ROBO2: variants seen among roughly 807,000 people sequenced by gnomAD.
ROBO2 encodes roundabout homolog 2.
A neutral mutation model predicts 160.8 loss-of-function variants in ROBO2; 53 were observed. The ratio of observed to expected loss-of-function variants is 0.33; its 90% confidence interval spans 0.26 to 0.41. ROBO2 has a LOEUF of 0.41. Ranked by LOEUF, ROBO2 falls within the 10% of genes least tolerant of loss-of-function variation. The pLI is 1.00. For missense variants in ROBO2, 1,577 were observed against 1,722.4 expected (o/e 0.92, Z 1.49); for synonymous variants, 664 against 611.7 (o/e 1.09, Z -1.26).
intron 2 of ROBO2, among the ~76,000 whole-genome samples, chr3:76,225,439 G>C (rs934054465): frequency 1.3e-5 from 2 of 152,152 alleles, no homozygotes; most frequent in African/African-American, 4.8e-5. Context: ...TTCAGGCCAG[G>C]TGTGGTGGTT....
chr3:76,817,283 T>C (rs921399059), intron 2 of ROBO2, among the ~76,000 whole-genome samples: 3 of 152,116 alleles, frequency 2.0e-5, no homozygotes, highest in Non-Finnish European at 4.4e-5. Flanking sequence ...AAACAAAGAA[T>C]GGGATGCTAT....
chr3:76,137,349 C>T (rs548724309), intron 2 of ROBO2, among the ~76,000 whole-genome samples: 77 of 151,960 alleles, frequency 5.1e-4, no homozygotes, highest in Non-Finnish European at 9.3e-4. Flanking sequence ...TTGCCGAAAA[C>T]GTCCAATCCT....
chr3:76,352,581 A>C (rs952865468), intron 2 of ROBO2, among the ~76,000 whole-genome samples: 13 of 152,134 alleles, frequency 8.5e-5, no homozygotes, highest in African/African-American at 3.1e-4. Context: ...TCTTTAGTAT[A>C]GTATTTGTGA....
intron 2 of ROBO2, among the ~76,000 whole-genome samples, chr3:76,615,943 T>C (rs1454580675): frequency 6.6e-6 from 1 of 152,014 alleles, no homozygotes; most frequent in African/African-American, 2.4e-5. Flanking sequence ...AGTGCCAGAG[T>C]TGAGTATAAG....
intron 2 of ROBO2, among the ~76,000 whole-genome samples, chr3:75,992,811 C>T (rs1042637508): frequency 5.3e-5 from 8 of 152,218 alleles, no homozygotes; most frequent in African/African-American, 1.9e-4. Flanking sequence ...CCATGCTAAT[C>T]CACCTCTTCC....
intron 2 of ROBO2, among the ~76,000 whole-genome samples, chr3:76,512,853 G>A (rs750879582): frequency 2.1e-4 from 32 of 152,026 alleles, no homozygotes; most frequent in Admixed American, 9.8e-4. Flanking sequence ...TCCCAAACCC[G>A]TTTGGTCCCA....
intron 8 of ROBO2, among the ~76,000 whole-genome samples, chr3:77,556,075 TG>T (rs34273001): frequency 0.54 from 81,186 of 151,548 alleles, 21,827 homozygotes; most frequent in Middle Eastern, 0.67. Flanking sequence ...GTATTTAATT[TG>T]GAAAAAAAAT....
chr3:77,462,976 G>A (rs1475458219), intron 2 of ROBO2, among the ~76,000 whole-genome samples: 1 of 152,064 alleles, frequency 6.6e-6, no homozygotes, highest in Non-Finnish European at 1.5e-5. Context: ...TTACCTTACG[G>A]CATTTTAAGT....
chr3:77,493,096 CA>C, intron 4 of ROBO2, 147 bp from the exon 5 acceptor site: 1 of 737,620 alleles, frequency 1.4e-6, no homozygotes, highest in Non-Finnish European at 2.3e-6. Flanking sequence ...ATTGGATTCA[CA>C]AGGCCTTATT....
chr3:77,010,748 G>T (rs1016197584), intron 2 of ROBO2, among the ~76,000 whole-genome samples: 1 of 151,886 alleles, frequency 6.6e-6, no homozygotes, highest in African/African-American at 2.4e-5. Context: ...CCATGCCTCA[G>T]TCAGTCTCTA....
chr3:77,345,633 A>G (rs1235981583), intron 2 of ROBO2, among the ~76,000 whole-genome samples: 1 of 152,168 alleles, frequency 6.6e-6, no homozygotes, highest in Non-Finnish European at 1.5e-5. Context: ...TTTAGTTTGT[A>G]GGGTACACAC....
At chr3:76,383,502 G>C (rs13081967) in intron 2 of ROBO2, among the ~76,000 whole-genome samples, 1 of 152,068 alleles carries the variant, frequency 6.6e-6, no homozygotes, top group African/African-American at 2.4e-5. Context: ...ATTTAATTTA[G>C]AATTCAAAAA....
chr3:76,776,217 A>G (rs1386235825), intron 2 of ROBO2, among the ~76,000 whole-genome samples: 1 of 151,062 alleles, frequency 6.6e-6, no homozygotes. Context: ...ATAGTTAAAA[A>G]CTATCTTAGC....
chr3:76,785,572 T>A (rs1411020893), intron 2 of ROBO2, among the ~76,000 whole-genome samples: 1 of 151,254 alleles, frequency 6.6e-6, no homozygotes. Context: ...TTTAAAAAAA[T>A]TAAGTTAACT....
chr3:76,960,998 T>A (rs1393627623), intron 2 of ROBO2, among the ~76,000 whole-genome samples: 3 of 151,982 alleles, frequency 2.0e-5, no homozygotes, highest in African/African-American at 7.2e-5. Context: ...GTGTATCCAG[T>A]GGTATTATTG....
At chr3:76,784,131 A>G (rs2062828320) in intron 2 of ROBO2, among the ~76,000 whole-genome samples, 1 of 151,000 alleles carries the variant, frequency 6.6e-6, no homozygotes, top group South Asian at 2.1e-4. Context: ...CAGTCACTGG[A>G]GCTTTATTTT....
intron 2 of ROBO2, among the ~76,000 whole-genome samples, chr3:76,126,807 A>G (rs2071006827): frequency 1.3e-5 from 2 of 152,114 alleles, no homozygotes; most frequent in African/African-American, 4.8e-5. Context: ...CCTGTCTTGT[A>G]TTTACAGTTA....
chr3:76,540,085 C>T (rs779003417), intron 2 of ROBO2, among the ~76,000 whole-genome samples: 9 of 151,968 alleles, frequency 5.9e-5, no homozygotes, highest in Non-Finnish European at 1.2e-4. Context: ...AAAGGCATTC[C>T]TGTAACAGAG....
intron 1 of ROBO2, among the ~76,000 whole-genome samples, chr3:75,926,408 A>G (rs562995838): frequency 6.6e-6 from 1 of 152,164 alleles, no homozygotes; most frequent in South Asian, 2.1e-4. Flanking sequence ...TACCCCCACA[A>G]AGTTTTATGG....
Sources: allele counts gnomAD v4.1 joint callset (sites outside exome capture counted in the v4.1 genomes callset), GRCh38; gene constraint gnomAD v4.1.1; transcripts MANE v1.5; gene names NCBI Gene and HGNC (gene_info 2026-07-23, HGNC 2026-07-21).